ARB2A: variants seen among roughly 807,000 people sequenced by gnomAD.
The protein encoded by ARB2A is cotranscriptional regulator ARB2A.
chr5:93,920,158 G>T, the ARB2A span, among the ~76,000 whole-genome samples: 1 of 152,060 alleles, frequency 6.6e-6, no homozygotes, highest in African/African-American at 2.4e-5. Flanking sequence ...TAGCTTTAGG[G>T]CTCGTGCCTG....
At chr5:93,885,063 T>A in the ARB2A span, among the ~76,000 whole-genome samples, 2 of 151,514 alleles carry the variant, frequency 1.3e-5, no homozygotes, top group African/African-American at 4.8e-5. Flanking sequence ...AGACAAAATG[T>A]CACTAGTTAA....
At chr5:93,721,823 A>C in the ARB2A span, among the ~76,000 whole-genome samples, 1 of 152,194 alleles carries the variant, frequency 6.6e-6, no homozygotes, top group African/African-American at 2.4e-5. Context: ...TAAATAGATA[A>C]TATGGAGAAA....
At chr5:94,064,628 G>A in the ARB2A span, among the ~76,000 whole-genome samples, 1 of 152,202 alleles carries the variant, frequency 6.6e-6, no homozygotes, top group Admixed American at 6.5e-5. Flanking sequence ...ACTTCTATCA[G>A]ACTAATAGCA....
the ARB2A span, among the ~76,000 whole-genome samples, chr5:93,914,141 C>T: frequency 2.0e-5 from 3 of 151,878 alleles, no homozygotes; most frequent in South Asian, 2.1e-4. Context: ...ATCTTATTAG[C>T]TGTCTTAAAA....
chr5:93,975,886 A>ATTAC, the ARB2A span, among the ~76,000 whole-genome samples: 149 of 152,244 alleles, frequency 9.8e-4, no homozygotes, highest in Non-Finnish European at 9.3e-4. Context: ...CATTGAAACT[A>ATTAC]TTACAAAAAG....
the ARB2A span, among the ~76,000 whole-genome samples, chr5:93,893,905 T>C: frequency 1.3e-5 from 2 of 152,184 alleles, no homozygotes; most frequent in African/African-American, 2.4e-5. Flanking sequence ...ACATTATCCC[T>C]GTAAAACTTA....
chr5:93,646,415 A>G, the ARB2A span, among the ~76,000 whole-genome samples: 2 of 127,526 alleles, frequency 1.6e-5, no homozygotes, highest in Admixed American at 8.3e-5. Context: ...CTAGAAATGT[A>G]GACAGATGCT....
At chr5:93,750,335 CA>C in the ARB2A span, among the ~76,000 whole-genome samples, 1 of 151,774 alleles carries the variant, frequency 6.6e-6, no homozygotes, top group Non-Finnish European at 1.5e-5. Context: ...TGAAGAAAAG[CA>C]AAAATAAATA....
chr5:93,806,555 G>C, the ARB2A span, among the ~76,000 whole-genome samples: 1 of 151,726 alleles, frequency 6.6e-6, no homozygotes, highest in South Asian at 2.1e-4. Context: ...ATATATTGCT[G>C]AAACTTTTAC....
At chr5:93,759,560 G>A in the ARB2A span, among the ~76,000 whole-genome samples, 1 of 152,154 alleles carries the variant, frequency 6.6e-6, no homozygotes, top group African/African-American at 2.4e-5. Flanking sequence ...GATCACGTGG[G>A]TTTCATGCCA....
chr5:93,788,204 A>AG, the ARB2A span, among the ~76,000 whole-genome samples: 15 of 152,062 alleles, frequency 9.9e-5, no homozygotes, highest in South Asian at 4.1e-4. Context: ...GCTGAAATTG[A>AG]GGGGGGGAAA....
chr5:94,092,290 G>A, the ARB2A span, among the ~76,000 whole-genome samples: 1 of 152,114 alleles, frequency 6.6e-6, no homozygotes, highest in African/African-American at 2.4e-5. Context: ...AGGCTACGGT[G>A]AGCTATGATA....
chr5:94,111,666 G>A, the ARB2A span: 6 of 152,446 alleles, frequency 3.9e-5, no homozygotes, highest in Non-Finnish European at 7.3e-5. Flanking sequence ...GGGTCTTCAG[G>A]AGATTGATAC....
chr5:93,751,720 C>T, the ARB2A span, among the ~76,000 whole-genome samples: 1 of 152,134 alleles, frequency 6.6e-6, no homozygotes, highest in Non-Finnish European at 1.5e-5. Context: ...TCTAAATCAC[C>T]TCTAGAAAGC....
the ARB2A span, among the ~76,000 whole-genome samples, chr5:94,049,032 C>T: frequency 6.6e-6 from 1 of 152,088 alleles, no homozygotes; most frequent in African/African-American, 2.4e-5. Context: ...ATTTTTACTA[C>T]TCTATTTAAA....
chr5:93,916,220 A>C, the ARB2A span, among the ~76,000 whole-genome samples: 521 of 152,280 alleles, frequency 3.4e-3, 5 homozygotes, highest in Non-Finnish European at 4.7e-3. Context: ...AACTGATAGC[A>C]CATAAGCATG....
At chr5:93,946,412 A>T in the ARB2A span, among the ~76,000 whole-genome samples, 4 of 152,182 alleles carry the variant, frequency 2.6e-5, no homozygotes, top group Non-Finnish European at 5.9e-5. Context: ...ACGAATGAAG[A>T]TCTGAATTAA....
At chr5:93,719,781 T>C in the ARB2A span, among the ~76,000 whole-genome samples, 7 of 152,240 alleles carry the variant, frequency 4.6e-5, no homozygotes, top group Admixed American at 4.6e-4. Context: ...CTCCAAAACC[T>C]AAAATTTTAG....
the ARB2A span, among the ~76,000 whole-genome samples, chr5:93,994,898 C>T: frequency 1.3e-5 from 2 of 149,892 alleles, no homozygotes; most frequent in East Asian, 2.0e-4. Context: ...AGAGCAAGAC[C>T]CTGTCTCTAA....
Sources: gnomAD v4.1 joint callset for allele counts (sites outside exome capture counted in the v4.1 genomes callset) on GRCh38, gnomAD v4.1.1 for gene constraint, MANE v1.5 for transcripts, NCBI Gene and HGNC (gene_info 2026-07-23, HGNC 2026-07-21) for gene names.